The following EXOC6 variants were observed in gnomAD, a reference collection of about 807,000 sequenced individuals.
The protein encoded by EXOC6 is SEC15-like 1.
In EXOC6, 60 loss-of-function variants were observed where a neutral mutation model predicts 112.5. That is an observed-to-expected ratio of 0.53 (90% CI 0.43 to 0.66). The LOEUF is 0.66. Ranked by LOEUF, EXOC6 falls within the 30% of genes least tolerant of loss-of-function variation. The pLI is 0.00. For synonymous variants in EXOC6, 295 were observed against 308.0 expected, an observed-to-expected ratio of 0.96 and a Z score of 0.44; for missense variants, 855 against 957.1, an observed-to-expected ratio of 0.89 and a Z score of 1.41.
chr10:92,979,180 C>G (rs1969905), intron 18 of EXOC6, among the ~76,000 whole-genome samples: 47,494 of 151,714 alleles, frequency 0.31, 8,122 homozygotes, highest in East Asian at 0.73. Context: ...CCTTCCCCTC[C>G]GGTGAAGTCT....
chr10:92,883,126 C>T (rs990455097), intron 1 of EXOC6, among the ~76,000 whole-genome samples: 1 of 152,170 alleles, frequency 6.6e-6, no homozygotes, highest in African/African-American at 2.4e-5. Context: ...TCATGTGCTT[C>T]TGTTTAAATA....
At chr10:92,993,854 G>C (rs901507547) in intron 18 of EXOC6, among the ~76,000 whole-genome samples, 3 of 152,170 alleles carry the variant, frequency 2.0e-5, no homozygotes, top group African/African-American at 4.8e-5. Context: ...AGCTTGCAGT[G>C]AGGGACTATT....
At chr10:92,971,606 C>T (rs1842300503) in intron 17 of EXOC6, among the ~76,000 whole-genome samples, 1 of 149,994 alleles carries the variant, frequency 6.7e-6, no homozygotes, top group Non-Finnish European at 1.5e-5. Flanking sequence ...GAACTCTTGA[C>T]CTCAGATAAT....
At chr10:92,989,306 T>G (rs1288979830) in intron 18 of EXOC6, among the ~76,000 whole-genome samples, 1 of 152,214 alleles carries the variant, frequency 6.6e-6, no homozygotes, top group African/African-American at 2.4e-5. Context: ...ATTTCCAAAT[T>G]GAAATTTGTC....
At chr10:92,840,878 G>T (rs1223009510) in intron 1 of EXOC6, among the ~76,000 whole-genome samples, 1 of 151,998 alleles carries the variant, frequency 6.6e-6, no homozygotes, top group Non-Finnish European at 1.5e-5. Flanking sequence ...GGCTGGTCTT[G>T]AACTTCTGAA....
At chr10:92,862,338 C>T (rs528069118) in intron 1 of EXOC6, among the ~76,000 whole-genome samples, 1 of 151,998 alleles carries the variant, frequency 6.6e-6, no homozygotes, top group African/African-American at 2.4e-5. Flanking sequence ...ATGCCCCCCC[C>T]CCATAATTCA....
chr10:92,945,053 C>T (rs1177431426), intron 13 of EXOC6, among the ~76,000 whole-genome samples: 2 of 151,618 alleles, frequency 1.3e-5, no homozygotes, highest in East Asian at 1.9e-4. Context: ...ATTACAGGTG[C>T]GAGCCACTGT....
At chr10:92,977,270 GA>G (rs35357127) in intron 18 of EXOC6, among the ~76,000 whole-genome samples, 3 of 150,060 alleles carry the variant, frequency 2.0e-5, no homozygotes, top group African/African-American at 4.9e-5. Context: ...TTGGAATGGG[GA>G]AAAAAAAAGG....
intron 18 of EXOC6, among the ~76,000 whole-genome samples, chr10:92,992,733 G>A (rs1350424619): frequency 1.3e-5 from 2 of 151,640 alleles, no homozygotes; most frequent in Non-Finnish European, 2.9e-5. Flanking sequence ...GTTTCCATCT[G>A]ATGAAATACC....
chr10:93,017,063 G>A (rs1310584427), intron 20 of EXOC6, among the ~76,000 whole-genome samples: 1 of 151,860 alleles, frequency 6.6e-6, no homozygotes, highest in Non-Finnish European at 1.5e-5. Context: ...TGATTCACTT[G>A]CCTTGGCCTC....
At chr10:92,997,235 G>GT (rs1423899372) in intron 18 of EXOC6, among the ~76,000 whole-genome samples, 1 of 152,126 alleles carries the variant, frequency 6.6e-6, no homozygotes, top group African/African-American at 2.4e-5. Context: ...CCTTTGTGCA[G>GT]TTAGAGCTTT....
intron 9 of EXOC6, among the ~76,000 whole-genome samples, chr10:92,931,115 G>GAA (rs60087746): frequency 0.018 from 1,269 of 70,606 alleles, no homozygotes; most frequent in African/African-American, 0.025. Context: ...CATCTCAGAA[G>GAA]AAAAAAAAAA....
intron 1 of EXOC6, among the ~76,000 whole-genome samples, chr10:92,856,108 C>G (rs1020191603): frequency 2.0e-5 from 3 of 152,102 alleles, no homozygotes; most frequent in African/African-American, 7.2e-5. Context: ...AGGTGATCTG[C>G]CTGCCTTTGC....
chr10:92,868,077 T>C (rs1322525869), intron 1 of EXOC6, among the ~76,000 whole-genome samples: 1 of 152,200 alleles, frequency 6.6e-6, no homozygotes, highest in African/African-American at 2.4e-5. Flanking sequence ...AAGTTTTTTA[T>C]TTTATGAAAT....
intron 17 of EXOC6, among the ~76,000 whole-genome samples, chr10:92,957,974 C>CT (rs1392808459): frequency 6.6e-6 from 1 of 152,080 alleles, no homozygotes; most frequent in African/African-American, 2.4e-5. Context: ...TATTTGATTG[C>CT]TTAATGATTC....
chr10:92,989,381 G>A (rs1843139425), intron 18 of EXOC6, among the ~76,000 whole-genome samples: 1 of 152,162 alleles, frequency 6.6e-6, no homozygotes, highest in Non-Finnish European at 1.5e-5. Context: ...CAGAAACTTG[G>A]AAAATATCTG....
At chr10:93,022,189 T>G (rs1340645951) in intron 20 of EXOC6, among the ~76,000 whole-genome samples, 1 of 152,200 alleles carries the variant, frequency 6.6e-6, no homozygotes, top group African/African-American at 2.4e-5. Context: ...TTTTCAAGTA[T>G]GTGCACTTAG....
chr10:92,896,773 C>T (rs538996441), intron 4 of EXOC6, among the ~76,000 whole-genome samples: 4 of 152,090 alleles, frequency 2.6e-5, no homozygotes, highest in Admixed American at 2.0e-4. Context: ...GCAGGCTGGT[C>T]TCAAGCTCCT....
chr10:92,889,606 A>T (rs951867285), intron 1 of EXOC6, among the ~76,000 whole-genome samples: 3 of 152,002 alleles, frequency 2.0e-5, no homozygotes, highest in African/African-American at 7.3e-5. Context: ...TTCAGTTACT[A>T]TGTTTATGTG....
Sources: allele counts gnomAD v4.1 joint callset (sites outside exome capture counted in the v4.1 genomes callset), GRCh38; gene constraint gnomAD v4.1.1; transcripts MANE v1.5; gene names NCBI Gene and HGNC (gene_info 2026-07-23, HGNC 2026-07-21).